The following ATP8A2 variants were observed in gnomAD, a reference collection of about 807,000 sequenced individuals.
The protein encoded by ATP8A2 is ATPase phospholipid transporting 8A2.
A neutral mutation model predicts 165.6 loss-of-function variants in ATP8A2; 100 were observed. The ratio of observed to expected loss-of-function variants is 0.60; its 90% confidence interval spans 0.51 to 0.71. ATP8A2 has a LOEUF of 0.71. ATP8A2 is among the 30% of genes least tolerant of loss of function. ATP8A2 has a pLI of 0.00. For missense variants in ATP8A2, 1,227 were observed against 1,479.5 expected, an observed-to-expected ratio of 0.83 and a Z score of 2.80; for synonymous variants, 543 against 548.8, an observed-to-expected ratio of 0.99 and a Z score of 0.15.
chr13:25,615,088 CATAG>C (rs1226618651), intron 24 of ATP8A2, among the ~76,000 whole-genome samples: 3 of 152,036 alleles, frequency 2.0e-5, no homozygotes, highest in African/African-American at 7.3e-5. Flanking sequence ...TGGGCAGGGC[CATAG>C]AGCTCCGAAG....
intron 24 of ATP8A2, among the ~76,000 whole-genome samples, chr13:25,618,739 C>A (rs1232363830): frequency 7.1e-6 from 1 of 140,960 alleles, no homozygotes; most frequent in African/African-American, 2.7e-5. Flanking sequence ...AGATTTCATG[C>A]TACTGGGAGC....
chr13:25,758,046 T>C (rs1454181059), intron 25 of ATP8A2, among the ~76,000 whole-genome samples: 1 of 152,220 alleles, frequency 6.6e-6, no homozygotes, highest in Non-Finnish European at 1.5e-5. Context: ...CAAAAGGAGA[T>C]AACCTGATAA....
intron 25 of ATP8A2, among the ~76,000 whole-genome samples, chr13:25,707,101 G>A (rs2043068907): frequency 6.6e-6 from 1 of 152,098 alleles, no homozygotes; most frequent in Non-Finnish European, 1.5e-5. Flanking sequence ...GACTGATGCA[G>A]ATTTTGTAGT....
intron 1 of ATP8A2, among the ~76,000 whole-genome samples, chr13:25,394,720 G>A (rs1249133080): frequency 3.3e-5 from 5 of 152,184 alleles, no homozygotes; most frequent in Non-Finnish European, 7.3e-5. Context: ...AAAAAAAAAG[G>A]CTTACTGTCC....
chr13:25,870,786 C>T (rs1952653697), intron 33 of ATP8A2, among the ~76,000 whole-genome samples: 2 of 152,062 alleles, frequency 1.3e-5, no homozygotes, highest in South Asian at 4.1e-4. Context: ...TAACGTTTTG[C>T]TTTTAATAAA....
intron 33 of ATP8A2, among the ~76,000 whole-genome samples, chr13:25,915,707 C>T (rs1220752710): frequency 1.3e-5 from 2 of 152,202 alleles, no homozygotes; most frequent in Non-Finnish European, 2.9e-5. Flanking sequence ...AGAACTGACT[C>T]CAGTCCTAGA....
At chr13:25,485,985 C>T (rs929071515) in intron 2 of ATP8A2, among the ~76,000 whole-genome samples, 3 of 152,044 alleles carry the variant, frequency 2.0e-5, no homozygotes, top group Non-Finnish European at 4.4e-5. Context: ...AATTTTTTGC[C>T]CCTAAAATTG....
intron 24 of ATP8A2, among the ~76,000 whole-genome samples, chr13:25,680,784 C>T (rs532341132): frequency 2.6e-5 from 4 of 152,168 alleles, no homozygotes; most frequent in African/African-American, 9.7e-5. Context: ...CCCTCTACAA[C>T]CATGTTTGTA....
At chr13:25,650,535 C>T (rs1450525625) in intron 24 of ATP8A2, among the ~76,000 whole-genome samples, 1 of 152,154 alleles carries the variant, frequency 6.6e-6, no homozygotes, top group Non-Finnish European at 1.5e-5. Context: ...ACCTATCTAG[C>T]TTACTAGAAC....
chr13:25,723,828 G>A (rs2138047425), intron 25 of ATP8A2, among the ~76,000 whole-genome samples: 1 of 152,176 alleles, frequency 6.6e-6, no homozygotes, highest in South Asian at 2.1e-4. Context: ...CTTTAGGAAA[G>A]GGAGATTATC....
chr13:25,402,311 CT>C (rs1482238005), intron 1 of ATP8A2, among the ~76,000 whole-genome samples: 1 of 152,138 alleles, frequency 6.6e-6, no homozygotes, highest in African/African-American at 2.4e-5. Context: ...GGAACTGAAA[CT>C]GCAGAAAGCA....
chr13:25,462,173 C>T (rs958635467), intron 1 of ATP8A2, among the ~76,000 whole-genome samples: 3 of 152,182 alleles, frequency 2.0e-5, no homozygotes, highest in Non-Finnish European at 4.4e-5. Flanking sequence ...TTGGCTCTAT[C>T]GTTCTAGAGT....
At chr13:25,571,892 T>A in intron 18 of ATP8A2, 200 bp downstream of exon 18, 2 of 607,024 alleles carry the variant, frequency 3.3e-6, no homozygotes, top group Non-Finnish European at 6.0e-6. Context: ...CCCTTCAAGA[T>A]GCTTTTCCAC....
intron 29 of ATP8A2, among the ~76,000 whole-genome samples, chr13:25,837,604 G>A (rs1329199330): frequency 6.6e-6 from 1 of 152,140 alleles, no homozygotes; most frequent in African/African-American, 2.4e-5. Flanking sequence ...GTGGGCAGCA[G>A]TTCCCACAGC....
chr13:25,551,567 C>T, intron 11 of ATP8A2, 64 bp downstream of exon 11: 2 of 1,509,196 alleles, frequency 1.3e-6, no homozygotes, highest in Non-Finnish European at 1.8e-6. Flanking sequence ...GTTCTTGCAG[C>T]CATGGTTGAA....
At chr13:25,863,826 C>G (rs1334204300) in intron 33 of ATP8A2, among the ~76,000 whole-genome samples, 1 of 152,194 alleles carries the variant, frequency 6.6e-6, no homozygotes, top group Non-Finnish European at 1.5e-5. Context: ...TGCATGTCCT[C>G]TAGTGCATCT....
chr13:26,020,097 C>A lies in ATP8A2; in HGVS notation c.*112C>A. The A allele has an allele frequency of 1.3e-6, 1 of 772,914 alleles. No homozygotes were observed. Among genetic ancestry groups the A allele is most frequent in the Non-Finnish European group, 2.2e-6 (1 of 461,582 alleles). The allele number at this position is 772,914 out of a possible 1,614,324, so 47.9% of individuals were successfully genotyped here. Reference sequence around the variant, plus strand: ...TCAGCAGCCAAAACACCAGGAAACACATTTCTGTGGCCTTAGCCAAGCAGT... The same window carrying A: ...TCAGCAGCCAAAACACCAGGAAACAAATTTCTGTGGCCTTAGCCAAGCAGT... On this transcript the variant is annotated 3_prime_UTR_variant, in exon 37 of 37. Coordinates refer to ENST00000381655, the MANE Select transcript of ATP8A2 (RefSeq NM_016529.6).
At chr13:25,995,696 C>G (rs112638867) in intron 35 of ATP8A2, among the ~76,000 whole-genome samples, 2,907 of 151,916 alleles carry the variant, frequency 0.019, 95 homozygotes, top group African/African-American at 0.066. Flanking sequence ...TGTTTTATGG[C>G]CCAGAATATT....
At position 25,828,210 on chromosome 13, in the gene ATP8A2, C is replaced by CT. The variant is rs1270228728; in HGVS notation, c.2754+19dup. The CT allele has an allele frequency of 2.3e-5, 36 of 1,588,234 alleles. No homozygotes were observed. In the Admixed American group the frequency reaches 4.5e-4, roughly 20 times the overall value. The stretch of plus-strand genomic sequence containing the variant: ...ACAATGTGGTAAGCATTCTTCATCT[C>CT]TATCTGATAGCATGCAGAACTTAGA... On this transcript the variant is annotated intron_variant, in intron 28 of 36. Coordinates refer to ENST00000381655, the MANE Select transcript of ATP8A2 (RefSeq NM_016529.6).
Sources: allele counts gnomAD v4.1 joint callset (sites outside exome capture counted in the v4.1 genomes callset), GRCh38; gene constraint gnomAD v4.1.1; transcripts MANE v1.5; gene names NCBI Gene and HGNC (gene_info 2026-07-23, HGNC 2026-07-21).